ATXN1: variants seen among roughly 807,000 people sequenced by gnomAD.
ATXN1 encodes the protein ataxin-1.
ATXN1 carries 8 observed loss-of-function variants against 56.4 expected under a neutral mutation model. The ratio of observed to expected loss-of-function variants is 0.14; its 90% CI spans 0.08 to 0.26. ATXN1 has a LOEUF of 0.26. ATXN1 is among the 10% of genes least tolerant of loss of function. The pLI is 1.00. For missense variants in ATXN1, 987 were observed against 1,106.5 expected, an observed-to-expected ratio of 0.89 and a Z score of 1.53; for synonymous variants, 514 against 494.6, an observed-to-expected ratio of 1.04 and a Z score of -0.52.
chr6:16,314,203 T>TC (rs1228429244), intron 7 of ATXN1, among the ~76,000 whole-genome samples: 2 of 152,078 alleles, frequency 1.3e-5, no homozygotes, highest in African/African-American at 2.4e-5. Context: ...AAATAAGGTT[T>TC]TTTTCCCTTC....
chr6:16,420,600 C>T (rs550157012), intron 6 of ATXN1, among the ~76,000 whole-genome samples: 45 of 152,220 alleles, frequency 3.0e-4, no homozygotes, highest in African/African-American at 1.0e-3. Context: ...CAAAACAATC[C>T]ACATTTAGTA....
intron 4 of ATXN1, among the ~76,000 whole-genome samples, chr6:16,563,672 C>G (rs914333270): frequency 5.9e-5 from 9 of 152,024 alleles, no homozygotes; most frequent in African/African-American, 2.2e-4. Context: ...AGTTGATACA[C>G]AGGTCCGGGG....
chr6:16,354,540 G>A lies in ATXN1; in HGVS notation c.-160-26070C>T, dbSNP rs1482293102. On this transcript the variant is annotated intron_variant, in intron 6 of 7. Transcript: ENST00000436367. ...CCAAAGTGTGGGGATTACAGCCACC[G>A]CACTCGGACCCTTCTATTTTATAAA... 8.5e-5 allele frequency among the ~76,000 whole-genome samples: 13 copies of A among 152,168 alleles called. No individual in the cohort carries two copies. The South Asian group carries it at 1.7e-3, about 19-fold the overall frequency.
At chr6:16,385,048 C>A (rs1421798532) in intron 6 of ATXN1, among the ~76,000 whole-genome samples, 5 of 152,054 alleles carry the variant, frequency 3.3e-5, no homozygotes, top group African/African-American at 1.2e-4. Context: ...GAGCTGATGG[C>A]AGGGTTGAGT....
chr6:16,502,213 CT>C (rs1432463984), intron 5 of ATXN1, among the ~76,000 whole-genome samples: 2 of 152,212 alleles, frequency 1.3e-5, no homozygotes, highest in Non-Finnish European at 2.9e-5. Flanking sequence ...AATTGCTATA[CT>C]TTTAAGTTAA....
At chr6:16,700,157 A>G (rs1183485651) in intron 2 of ATXN1, among the ~76,000 whole-genome samples, 2 of 152,174 alleles carry the variant, frequency 1.3e-5, no homozygotes, top group African/African-American at 4.8e-5. Context: ...TGCTTTCCCA[A>G]TTAAAAAAAT....
chr6:16,612,506 G>A (rs1404025246), intron 3 of ATXN1, among the ~76,000 whole-genome samples: 2 of 152,216 alleles, frequency 1.3e-5, no homozygotes, highest in Non-Finnish European at 2.9e-5. Context: ...AGAAAATTAT[G>A]TATCAAAGTG....
chr6:16,433,106 G>C (rs1266975087), intron 6 of ATXN1: 1 of 151,966 alleles, frequency 6.6e-6, no homozygotes, highest in Non-Finnish European at 1.5e-5. Flanking sequence ...TCTAGAAACA[G>C]GGTGAGAAAA....
intron 6 of ATXN1, among the ~76,000 whole-genome samples, chr6:16,465,122 C>T (rs1760077221): frequency 6.6e-6 from 1 of 152,126 alleles, no homozygotes; most frequent in Non-Finnish European, 1.5e-5. Context: ...AGTGTTCCTC[C>T]CAGGTGTCCT....
intron 2 of ATXN1, among the ~76,000 whole-genome samples, chr6:16,702,774 C>A (rs1581378264): frequency 1.3e-5 from 2 of 152,212 alleles, no homozygotes; most frequent in East Asian, 3.8e-4. Flanking sequence ...ATCAAAACCA[C>A]AATGACATAC....
chr6:16,761,065 T>A (rs1175007530), intron 1 of ATXN1: 1 of 323,530 alleles, frequency 3.1e-6, no homozygotes. Flanking sequence ...TGTACACACA[T>A]ACACACACAC....
intron 6 of ATXN1, among the ~76,000 whole-genome samples, chr6:16,469,669 G>T (rs1188445177): frequency 6.6e-6 from 1 of 152,174 alleles, no homozygotes; most frequent in African/African-American, 2.4e-5. Context: ...AGACGTGAAA[G>T]AGAGTTGGTG....
intron 4 of ATXN1, among the ~76,000 whole-genome samples, chr6:16,544,995 C>G (rs1761788373): frequency 2.0e-5 from 3 of 152,116 alleles, no homozygotes; most frequent in African/African-American, 7.2e-5. Flanking sequence ...AAAACAACAC[C>G]AAGGTCTTCA....
intron 2 of ATXN1, among the ~76,000 whole-genome samples, chr6:16,668,309 G>A (rs1294452231): frequency 6.6e-6 from 1 of 151,488 alleles, no homozygotes; most frequent in African/African-American, 2.4e-5. Context: ...TCGTCATTTA[G>A]CATTAGGTAT....
At chr6:16,742,011 C>T (rs907508323) in intron 2 of ATXN1, among the ~76,000 whole-genome samples, 7 of 152,024 alleles carry the variant, frequency 4.6e-5, no homozygotes, top group East Asian at 1.9e-4. Context: ...AATAAAACAC[C>T]GAAATTTGGG....
intron 6 of ATXN1, among the ~76,000 whole-genome samples, chr6:16,390,290 C>T (rs116727056): frequency 0.014 from 2,201 of 152,238 alleles, 47 homozygotes; most frequent in African/African-American, 0.048. Context: ...GCCATGTTTT[C>T]AGTATCTGTT....
chr6:16,633,464 T>C (rs1378771068), intron 3 of ATXN1, among the ~76,000 whole-genome samples: 2 of 152,202 alleles, frequency 1.3e-5, no homozygotes, highest in African/African-American at 2.4e-5. Flanking sequence ...GTAATGTTTT[T>C]CCCCAAGCAC....
chr6:16,552,694 A>G (rs1311660403), intron 4 of ATXN1, among the ~76,000 whole-genome samples: 1 of 152,240 alleles, frequency 6.6e-6, no homozygotes, highest in African/African-American at 2.4e-5. Context: ...CTGTGACAGA[A>G]ATAATTACTA....
chr6:16,348,439 T>C (rs999641330), intron 6 of ATXN1, among the ~76,000 whole-genome samples: 14 of 152,012 alleles, frequency 9.2e-5, no homozygotes, highest in African/African-American at 3.4e-4. Context: ...GGCTCACACA[T>C]ATAATCCCAG....
Sources: gnomAD v4.1 joint callset for allele counts (sites outside exome capture counted in the v4.1 genomes callset) on GRCh38, gnomAD v4.1.1 for gene constraint, MANE v1.5 for transcripts, NCBI Gene and HGNC (gene_info 2026-07-23, HGNC 2026-07-21) for gene names.